The following RNPS1 variants were observed in gnomAD, a reference collection of about 807,000 sequenced individuals.
RNPS1 encodes the protein RNA binding protein with serine rich domain 1.
For missense variants in RNPS1, 300 were observed against 427.6 expected (o/e 0.70, Z 2.63); for synonymous variants, 147 against 150.0 (o/e 0.98, Z 0.15).
At position 2,264,534 on chromosome 16, in the gene RNPS1, C is replaced by T. The variant is rs753706423; in HGVS notation, c.71+39G>A. ...TTCTGCGGGTCCCTAGCAGTAAGCACCCCCAAGTAGCACTAGAAAAATCTT... is the reference window on the plus strand; with the variant it reads ...TTCTGCGGGTCCCTAGCAGTAAGCATCCCCAAGTAGCACTAGAAAAATCTT... On this transcript the variant is annotated intron_variant, in intron 2 of 7. Transcript: ENST00000320225. 8.1e-6 allele frequency: 13 copies of T among 1,598,244 alleles called. No homozygotes were observed. In the East Asian group the frequency reaches 2.0e-4, roughly 25 times the overall value.
At chr16:2,264,908 T>G in intron 1 of RNPS1, 148 bp from the exon 2 acceptor site, 1 of 487,914 alleles carries the variant, frequency 2.0e-6, no homozygotes, top group Non-Finnish European at 3.4e-6. Context: ...ATAGGGACAG[T>G]CCCCATGTGC....
At chr16:2,261,136 A>C (rs1041462583) in intron 6 of RNPS1, among the ~76,000 whole-genome samples, 3 of 152,212 alleles carry the variant, frequency 2.0e-5, no homozygotes, top group Admixed American at 6.5e-5. Flanking sequence ...TCTCAAAAAA[A>C]AAAAAAAATT....
intron 5 of RNPS1, 137 bp downstream of exon 5, chr16:2,262,603 G>C: frequency 2.1e-6 from 2 of 954,516 alleles, no homozygotes; most frequent in Non-Finnish European, 3.2e-6. Context: ...GGTCCACCAA[G>C]AGGAACGAAT....
At position 2,253,640 on chromosome 16, in the gene RNPS1, T is replaced by C; in HGVS notation, c.*324A>G. ...CCCAGGTCATCGGGGAAGGGAAAAG[T>C]GTGCTCCCAGGTAAGCAGGGTCAAA... is the stretch of plus-strand genomic sequence containing the variant. On this transcript the variant is annotated 3_prime_UTR_variant, in exon 8 of 8. Transcript: ENST00000320225. 2.1e-6 allele frequency: 1 copy of C among 472,276 alleles called. No individual in the cohort carries two copies. The highest frequency in any genetic ancestry group is 4.4e-5 in the East Asian group (1 of 22,848). The allele number at this position is 472,276 out of a possible 1,614,324, so 29.3% of individuals were successfully genotyped here.
chr16:2,268,073 C>T lies in RNPS1; in HGVS notation c.-136G>A. The T allele has an allele frequency of 6.5e-7, 1 of 1,535,352 alleles. No individual in the cohort carries two copies. The highest frequency in any genetic ancestry group is 8.7e-7 in the Non-Finnish European group (1 of 1,146,638). On this transcript the variant is annotated 5_prime_UTR_variant, in exon 1 of 8. In the 5' UTR this introduces an upstream ATG that the reference lacks. Transcript: ENST00000320225. ...AACTTACATCTTCCCGCCGCCGCCACCTCCTCCTGCTTTCCTCAGCCGCCG... is the reference window on the plus strand; with the variant it reads ...AACTTACATCTTCCCGCCGCCGCCATCTCCTCCTGCTTTCCTCAGCCGCCG...
chr16:2,267,484 G>A (rs1422911274), intron 1 of RNPS1: 9 of 989,762 alleles, frequency 9.1e-6, no homozygotes, highest in Non-Finnish European at 1.1e-5. Context: ...GTATCCCCAC[G>A]GCCTAGCGCC....
Position 2,264,754 on chromosome 16 carries a change from G to A in RNPS1, c.-111C>T. The A allele has an allele frequency of 6.4e-7, 1 of 1,556,844 alleles. No homozygotes were observed. The highest frequency in any genetic ancestry group is 8.6e-7 in the Non-Finnish European group (1 of 1,159,500). ...CTAATCGATTGCAATTTACGCCAAA[G>A]AGCAGCCTAATAACAAGATAAAAGG... On this transcript the variant is annotated 5_prime_UTR_variant, in exon 2 of 8. Coordinates refer to ENST00000320225, the MANE Select transcript of RNPS1 (RefSeq NM_080594.4).
intron 1 of RNPS1, chr16:2,267,379 G>C: frequency 1.0e-6 from 1 of 983,556 alleles, no homozygotes; most frequent in Non-Finnish European, 1.2e-6. Flanking sequence ...CCTACTCCAC[G>C]TTTCTCCTCC....
chr16:2,262,637 C>G, intron 5 of RNPS1, 103 bp downstream of exon 5: 3 of 1,103,402 alleles, frequency 2.7e-6, no homozygotes, highest in Non-Finnish European at 4.0e-6. Context: ...AAACCACATG[C>G]CACCACCCCA....
intron 1 of RNPS1, 98 bp from the exon 2 acceptor site, chr16:2,264,858 G>T: frequency 1.0e-6 from 1 of 1,002,896 alleles, no homozygotes; most frequent in South Asian, 1.8e-5. Context: ...GGCAGCAAGG[G>T]AGCACGGTAA....
Position 2,264,243 on chromosome 16 carries a change from C to G in RNPS1, c.160G>C (p.Glu54Gln), listed in dbSNP as rs751217136. 2.5e-6 allele frequency: 4 copies of G among 1,614,224 alleles called. No homozygotes were observed. In the South Asian group the frequency reaches 4.4e-5, roughly 18 times the overall value. ...KDKGATKESS[E>Q]KDRGRDKTRK... Reference sequence around the variant, plus strand: ...GTTTTGTCCCGGCCGCGATCCTTCTCACTCGACTCCTTGGTGGCCCCTTTA... The same window carrying G: ...GTTTTGTCCCGGCCGCGATCCTTCTGACTCGACTCCTTGGTGGCCCCTTTA... The change falls in exon 3 of 8, where the codon GAG (glutamate) becomes CAG (glutamine). Residue 54 changes from glutamate (E) to glutamine (Q), a missense_variant. Glu to Gln is a conservative substitution (Grantham distance 29). Coordinates refer to ENST00000320225, the MANE Select transcript of RNPS1 (RefSeq NM_080594.4).
chr16:2,253,889 T>C lies in RNPS1; in HGVS notation c.*75A>G, dbSNP rs2093563724. ...CAAGGGTTTGCTTTCCTACTGGTCT[T>C]CCTTTGGCTAGAAAAGTGACAAAAC... On this transcript the variant is annotated 3_prime_UTR_variant, in exon 8 of 8. Transcript: ENST00000320225. The C allele has an allele frequency of 1.5e-6, 2 of 1,345,386 alleles. No individual in the cohort carries two copies. The highest frequency in any genetic ancestry group is 2.5e-5 in the South Asian group (2 of 80,208). 83.3% of individuals were successfully genotyped at this position (1,345,386 alleles called of 1,614,324 possible). A position where few individuals can be genotyped will look rare whatever the true frequency, so the allele number is the denominator to read the frequency against.
intron 6 of RNPS1, among the ~76,000 whole-genome samples, chr16:2,258,967 A>G (rs929463976): frequency 6.6e-6 from 1 of 151,902 alleles, no homozygotes; most frequent in Non-Finnish European, 1.5e-5. Flanking sequence ...TACTAAAAAT[A>G]CAAAAATTAG....
chr16:2,260,114 A>T (rs1403163735), intron 6 of RNPS1, among the ~76,000 whole-genome samples: 1 of 150,216 alleles, frequency 6.7e-6, no homozygotes. Context: ...ATTTCTTCAG[A>T]ATTTGGAAAC....
intron 3 of RNPS1, 93 bp downstream of exon 3, chr16:2,264,083 T>C (rs2093614746): frequency 2.7e-6 from 4 of 1,463,160 alleles, no homozygotes; most frequent in Non-Finnish European, 1.9e-6. Context: ...TGTGTTTTCT[T>C]TGTAAATAAT....
chr16:2,263,053 C>A, intron 4 of RNPS1, 43 bp downstream of exon 4: 1 of 1,593,974 alleles, frequency 6.3e-7, no homozygotes. Flanking sequence ...AAATCTGTAG[C>A]CCCGAGCTTG....
At chr16:2,256,220 G>T (rs1411788571) in intron 6 of RNPS1, 1 of 166,660 alleles carries the variant, frequency 6.0e-6, no homozygotes, top group African/African-American at 2.4e-5. Context: ...ATCTCCACGT[G>T]TCGAGGCAGC....
chr16:2,267,649 C>T, intron 1 of RNPS1: 1 of 1,104,970 alleles, frequency 9.1e-7, no homozygotes, highest in Non-Finnish European at 1.1e-6. Context: ...CGCTACCCGT[C>T]CGCGTTCACT....
chr16:2,264,590 A>G lies in RNPS1; in HGVS notation c.54T>C (p.Asn18=). Residue 18 remains asparagine (N), a synonymous_variant, in exon 2 of 8, where the codon AAT becomes AAC. Transcript: ENST00000320225. ...KKSLLGVKEN[N]KKSSTRAPSP... ...AGGATTACCTAGTGCTGGACTTTTT[A>G]TTATTTTCTTTGACTCCTAGCAAGC... is the stretch of plus-strand genomic sequence containing the variant. The G allele has an allele frequency of 6.2e-7, 1 of 1,613,464 alleles. No homozygotes were observed. Among genetic ancestry groups the G allele is most frequent in the Non-Finnish European group, 8.5e-7 (1 of 1,179,786 alleles).
Sources: gnomAD v4.1 joint callset for allele counts (sites outside exome capture counted in the v4.1 genomes callset) on GRCh38, gnomAD v4.1.1 for gene constraint, MANE v1.5 for transcripts, NCBI Gene and HGNC (gene_info 2026-07-23, HGNC 2026-07-21) for gene names.